DGKB: variants seen among roughly 807,000 people sequenced by gnomAD.
The protein encoded by DGKB is diacylglycerol kinase beta.
In DGKB, 67 loss-of-function variants were observed where a neutral mutation model predicts 114.3. The observed-to-expected ratio is 0.59, with a 90% CI of 0.48 to 0.72. DGKB has a LOEUF of 0.72. Among genes scored for constraint, DGKB ranks in the 30% least tolerant of loss-of-function variants. The probability of loss-of-function intolerance (pLI) is 0.00; values close to 1 mark genes in which losing one functional copy is unlikely to be tolerated. For synonymous variants in DGKB, 398 were observed against 323.1 expected (o/e 1.23, Z -2.49); for missense variants, 907 against 975.2 (o/e 0.93, Z 0.93).
At chr7:14,321,619 A>AAG (rs1215993222) in intron 23 of DGKB, among the ~76,000 whole-genome samples, 46 of 151,342 alleles carry the variant, frequency 3.0e-4, no homozygotes, top group Middle Eastern at 3.4e-3. Flanking sequence ...AAAAAAAAAA[A>AAG]GAAAAGGATT....
At chr7:14,685,071 G>A (rs1821446204) in intron 10 of DGKB, among the ~76,000 whole-genome samples, 174 bp downstream of exon 10, 1 of 152,102 alleles carries the variant, frequency 6.6e-6, no homozygotes, top group African/African-American at 2.4e-5. Context: ...TTCCAAAACT[G>A]AAGAAATTAG....
intron 2 of DGKB, among the ~76,000 whole-genome samples, chr7:14,837,342 C>A (rs1847297895): frequency 1.3e-5 from 2 of 152,096 alleles, no homozygotes. Context: ...AATGTAAAAT[C>A]AGATAACTTG....
intron 23 of DGKB, among the ~76,000 whole-genome samples, chr7:14,245,353 A>G (rs947262492): frequency 1.3e-5 from 2 of 152,204 alleles, no homozygotes; most frequent in East Asian, 3.9e-4. Flanking sequence ...TGATTAAACA[A>G]AAATACAGAA....
At chr7:14,653,926 G>T (rs112811916) in intron 13 of DGKB, among the ~76,000 whole-genome samples, 1 of 151,920 alleles carries the variant, frequency 6.6e-6, no homozygotes, top group South Asian at 2.1e-4. Flanking sequence ...ACAACTAACA[G>T]TACACTGAAC....
rs1308959880 is a variant in DGKB, at chr7:14,732,528, G to GA, written c.322+3512dup. ...TTGTCTATTGTTCCTTCTTCCTCAG[G>GA]AAAAAAAAAAATAACTATCAAAGGT... On this transcript the variant is annotated intron_variant, in intron 5 of 25. Transcript: ENST00000402815. 7.7e-3 allele frequency among the ~76,000 whole-genome samples: 1,059 copies of GA among 137,246 alleles called. 10 individuals are homozygous for GA. The highest frequency in any genetic ancestry group is 0.024 in the African/African-American group (905 of 37,610). The allele number at this position is 137,246 out of a possible 152,430, so 90.0% of individuals were successfully genotyped here.
intron 23 of DGKB, among the ~76,000 whole-genome samples, chr7:14,300,237 T>C (rs1384986093): frequency 6.6e-6 from 1 of 152,134 alleles, no homozygotes; most frequent in Admixed American, 6.6e-5. Flanking sequence ...ATTTTAAATG[T>C]TAACATACAA....
At chr7:14,581,970 T>G (rs977303215) in intron 18 of DGKB, among the ~76,000 whole-genome samples, 1 of 152,222 alleles carries the variant, frequency 6.6e-6, no homozygotes, top group Non-Finnish European at 1.5e-5. Context: ...TCTTTTTAAA[T>G]CAAATATTAG....
chr7:14,278,767 T>C (rs1230139448), intron 23 of DGKB, among the ~76,000 whole-genome samples: 1 of 151,682 alleles, frequency 6.6e-6, no homozygotes, highest in African/African-American at 2.4e-5. Flanking sequence ...ATAATAATAA[T>C]GAGAATAATA....
intron 21 of DGKB, among the ~76,000 whole-genome samples, chr7:14,407,892 A>C (rs1041869381): frequency 2.6e-5 from 4 of 152,166 alleles, no homozygotes; most frequent in South Asian, 4.1e-4. Context: ...TTCAAAAAAA[A>C]CCATGATCCT....
intron 21 of DGKB, among the ~76,000 whole-genome samples, chr7:14,473,536 C>A (rs1421700595): frequency 6.6e-6 from 1 of 152,168 alleles, no homozygotes; most frequent in Non-Finnish European, 1.5e-5. Context: ...CCTACTGGGG[C>A]ACCACCTAGT....
intron 2 of DGKB, among the ~76,000 whole-genome samples, chr7:14,834,490 C>T (rs1846872456): frequency 6.6e-6 from 1 of 152,124 alleles, no homozygotes; most frequent in Non-Finnish European, 1.5e-5. Context: ...TAGCGTATCA[C>T]TTGCAGGGAG....
At chr7:14,351,722 G>C (rs1813471298) in intron 21 of DGKB, among the ~76,000 whole-genome samples, 1 of 152,166 alleles carries the variant, frequency 6.6e-6, no homozygotes, top group Non-Finnish European at 1.5e-5. Flanking sequence ...TCAAATTTAA[G>C]TGTATAAAAA....
At chr7:14,155,027 G>C (rs1782795570) in intron 25 of DGKB, among the ~76,000 whole-genome samples, 1 of 152,030 alleles carries the variant, frequency 6.6e-6, no homozygotes. Flanking sequence ...TCCCACCCCA[G>C]ATCTTCTGAT....
chr7:14,183,765 A>C (rs1782978773), intron 23 of DGKB, among the ~76,000 whole-genome samples: 1 of 152,184 alleles, frequency 6.6e-6, no homozygotes, highest in Non-Finnish European at 1.5e-5. Context: ...GAACTAACCA[A>C]TTAAATGTTA....
At chr7:14,743,693 C>T (rs1832876569) in intron 4 of DGKB, among the ~76,000 whole-genome samples, 1 of 152,030 alleles carries the variant, frequency 6.6e-6, no homozygotes, top group African/African-American at 2.4e-5. Flanking sequence ...TTCTAAAATT[C>T]TAATGTTTGA....
intron 1 of DGKB, among the ~76,000 whole-genome samples, chr7:14,956,865 T>G (rs554507057): frequency 1.3e-5 from 2 of 151,968 alleles, no homozygotes; most frequent in Non-Finnish European, 1.5e-5. Context: ...TTTTTTTTTT[T>G]AAGGCAAATG....
chr7:14,961,810 C>A (rs1434798066), intron 1 of DGKB, among the ~76,000 whole-genome samples: 2 of 152,066 alleles, frequency 1.3e-5, no homozygotes, highest in East Asian at 3.9e-4. Context: ...CACCCACAGC[C>A]CTTTTTTTAA....
chr7:14,410,867 A>G (rs1380903828), intron 21 of DGKB, among the ~76,000 whole-genome samples: 2 of 152,210 alleles, frequency 1.3e-5, no homozygotes, highest in Non-Finnish European at 1.5e-5. Context: ...ATATAAATAT[A>G]TACAATTTTA....
chr7:14,698,936 A>G lies in DGKB; in HGVS notation c.517-767T>C, dbSNP rs924733161. ...TTGAAAAGTGGTGTTTTACCGTATG[A>G]TTTAAAATGTAAGAAGTATAAAAGA... On this transcript the variant is annotated intron_variant, in intron 7 of 25. Transcript: ENST00000402815. Among the ~76,000 whole-genome samples the G allele has an allele frequency of 4.6e-5, 7 of 152,132 alleles. No individual in the cohort carries two copies. In the South Asian group the frequency reaches 6.2e-4, roughly 13 times the overall value.
Sources: allele counts gnomAD v4.1 joint callset (sites outside exome capture counted in the v4.1 genomes callset), GRCh38; gene constraint gnomAD v4.1.1; transcripts MANE v1.5; gene names NCBI Gene and HGNC (gene_info 2026-07-23, HGNC 2026-07-21).